Variants in AFAP1 observed in about 807,000 individuals in gnomAD.
AFAP1 encodes actin filament-associated protein 1.
A neutral mutation model predicts 93.9 loss-of-function variants in AFAP1; 75 were observed. That is an observed-to-expected ratio of 0.80 (90% CI 0.66 to 0.97). The LOEUF is 0.97. Ranked by LOEUF, AFAP1 falls within the 50% of genes least tolerant of loss-of-function variation. The pLI, the probability that AFAP1 is intolerant of heterozygous loss-of-function variation, is 0.00. For missense variants in AFAP1, 1,201 were observed against 1,050.8 expected, an observed-to-expected ratio of 1.14 and a Z score of -1.98; for synonymous variants, 517 against 430.7, an observed-to-expected ratio of 1.20 and a Z score of -2.48.
intron 6 of AFAP1, among the ~76,000 whole-genome samples, chr4:7,821,115 T>A (rs1010758992): frequency 6.6e-6 from 1 of 152,148 alleles, no homozygotes; most frequent in South Asian, 2.1e-4. Flanking sequence ...TGAAACTCCA[T>A]CTCCAAAAAT....
At chr4:7,812,166 A>T (rs1171964583) in intron 8 of AFAP1, among the ~76,000 whole-genome samples, 5 of 152,128 alleles carry the variant, frequency 3.3e-5, no homozygotes, top group Admixed American at 3.3e-4. Context: ...GACCCAGAGG[A>T]GGATGTTTCA....
At position 7,761,747 on chromosome 4, in the gene AFAP1, A is replaced by C. The variant is rs963394351; in HGVS notation, c.*2018T>G. On this transcript the variant is annotated 3_prime_UTR_variant, in exon 18 of 18. Coordinates refer to ENST00000420658, the MANE Select transcript of AFAP1 (RefSeq NM_001134647.2). ...TGGAGGAGCAAACTTTTTTCCCTTT[A>C]TAGAAAATTCATTTTGTGTGATATG... The C allele has an allele frequency of 6.6e-6, 1 of 152,216 alleles. No individual in the cohort carries two copies. Among genetic ancestry groups the C allele is most frequent in the Non-Finnish European group, 1.5e-5 (1 of 68,036 alleles). The allele number at this position is 152,216 out of a possible 1,614,324, so 9.4% of individuals were successfully genotyped here. A position where few individuals can be genotyped will look rare whatever the true frequency, so the allele number is the denominator to read the frequency against.
At chr4:7,872,835 C>T (rs1347540949) in intron 1 of AFAP1, among the ~76,000 whole-genome samples, 1 of 150,592 alleles carries the variant, frequency 6.6e-6, no homozygotes. Context: ...CAAGGTAAAA[C>T]TGCTAGCATC....
At chr4:7,906,142 C>A (rs751725795) in intron 1 of AFAP1, among the ~76,000 whole-genome samples, 1 of 152,178 alleles carries the variant, frequency 6.6e-6, no homozygotes, top group Admixed American at 6.5e-5. Flanking sequence ...CTGAGCAAAG[C>A]GCCATGAGAG....
chr4:7,846,188 A>G (rs1443478471), intron 4 of AFAP1, among the ~76,000 whole-genome samples: 2 of 152,192 alleles, frequency 1.3e-5, no homozygotes, highest in African/African-American at 2.4e-5. Context: ...AGGAAGGAGC[A>G]GGGGGCTTCA....
At chr4:7,873,852 T>C (rs1051510366) in intron 1 of AFAP1, among the ~76,000 whole-genome samples, 2 of 152,212 alleles carry the variant, frequency 1.3e-5, no homozygotes, top group Non-Finnish European at 2.9e-5. Context: ...TAGACTTGAG[T>C]ACCTGGCAGA....
At chr4:7,833,017 G>A (rs992721479) in intron 6 of AFAP1, among the ~76,000 whole-genome samples, 1 of 152,160 alleles carries the variant, frequency 6.6e-6, no homozygotes, top group Non-Finnish European at 1.5e-5. Flanking sequence ...ATGGATGAAC[G>A]ACTTAAACCT....
intron 4 of AFAP1, among the ~76,000 whole-genome samples, chr4:7,852,286 C>T (rs1196208258): frequency 6.6e-6 from 1 of 152,174 alleles, no homozygotes; most frequent in Non-Finnish European, 1.5e-5. Flanking sequence ...GCTTGCTTTC[C>T]TTCCCTAAAA....
intron 1 of AFAP1, among the ~76,000 whole-genome samples, chr4:7,883,185 C>CAAAA (rs34238719): frequency 8.8e-4 from 44 of 49,840 alleles, no homozygotes; most frequent in South Asian, 1.6e-3. Context: ...AACCCTATCT[C>CAAAA]AAAAAAAAAA....
intron 7 of AFAP1, among the ~76,000 whole-genome samples, chr4:7,816,868 C>T (rs745308634): frequency 7.9e-5 from 12 of 152,142 alleles, no homozygotes; most frequent in African/African-American, 2.7e-4. Context: ...ACTCGGAATT[C>T]GAGGGGCAAT....
At chr4:7,921,090 C>A (rs1168268321) in intron 1 of AFAP1, among the ~76,000 whole-genome samples, 1 of 151,310 alleles carries the variant, frequency 6.6e-6, no homozygotes, top group Non-Finnish European at 1.5e-5. Context: ...AATTCAGGTC[C>A]TGAGTGAACC....
At chr4:7,800,699 G>C (rs1228374001) in intron 9 of AFAP1, 46 bp from the exon 10 acceptor site, 3 of 1,605,730 alleles carry the variant, frequency 1.9e-6, no homozygotes, top group Non-Finnish European at 1.7e-6. Flanking sequence ...GACAAGACCA[G>C]GCGAGGTGAA....
intron 1 of AFAP1, among the ~76,000 whole-genome samples, chr4:7,896,113 G>A (rs956064801): frequency 2.0e-5 from 3 of 151,964 alleles, no homozygotes; most frequent in Admixed American, 6.6e-5. Flanking sequence ...CGCCCGCCTC[G>A]GCCTCCCAAA....
intron 6 of AFAP1, among the ~76,000 whole-genome samples, chr4:7,833,142 G>A (rs551793603): frequency 5.3e-4 from 80 of 152,304 alleles, no homozygotes; most frequent in African/African-American, 1.9e-3. Flanking sequence ...TAAAAACAAA[G>A]TTAAATAGCT....
intron 1 of AFAP1, among the ~76,000 whole-genome samples, chr4:7,873,005 T>C (rs1717187015): frequency 6.7e-6 from 1 of 148,770 alleles, no homozygotes; most frequent in Non-Finnish European, 1.5e-5. Context: ...ATCCCAGCAC[T>C]TTGGGAGACC....
chr4:7,813,595 CATTGAGATT>C (rs1447586235), intron 8 of AFAP1, among the ~76,000 whole-genome samples: 1 of 152,190 alleles, frequency 6.6e-6, no homozygotes, highest in Non-Finnish European at 1.5e-5. Flanking sequence ...TAAGCAGGAA[CATTGAGATT>C]GTATGTTATT....
intron 7 of AFAP1, among the ~76,000 whole-genome samples, chr4:7,816,502 C>T (rs1185458352): frequency 6.6e-6 from 1 of 152,108 alleles, no homozygotes; most frequent in East Asian, 1.9e-4. Context: ...TGTCATTCAC[C>T]AATAATTAAT....
At chr4:7,873,887 A>AG (rs1326180656) in intron 1 of AFAP1, among the ~76,000 whole-genome samples, 2 of 152,192 alleles carry the variant, frequency 1.3e-5, no homozygotes, top group Non-Finnish European at 2.9e-5. Flanking sequence ...TGAACACATG[A>AG]GCTCATCACT....
At chr4:7,839,331 C>A (rs1359349615) in intron 5 of AFAP1, among the ~76,000 whole-genome samples, 5 of 150,566 alleles carry the variant, frequency 3.3e-5, no homozygotes, top group Non-Finnish European at 5.9e-5. Flanking sequence ...GACTCTGTCT[C>A]CAACTAACAA....
Sources: allele counts gnomAD v4.1 joint callset (sites outside exome capture counted in the v4.1 genomes callset), GRCh38; gene constraint gnomAD v4.1.1; transcripts MANE v1.5; gene names NCBI Gene and HGNC (gene_info 2026-07-23, HGNC 2026-07-21).